Variants in ZMYM4 observed in about 807,000 individuals in gnomAD.
ZMYM4 encodes the protein zinc finger MYM-type containing 4.
Under a neutral mutation model 183.2 loss-of-function variants are expected in ZMYM4, and 31 were observed. The ratio of observed to expected loss-of-function variants is 0.17; its 90% CI spans 0.13 to 0.23. ZMYM4 has a LOEUF of 0.23. Among genes scored for constraint, ZMYM4 ranks in the 10% least tolerant of loss-of-function variants. ZMYM4 has a pLI of 1.00. For missense variants in ZMYM4, 1,273 were observed against 1,840.3 expected (o/e 0.69, Z 5.64); for synonymous variants, 592 against 631.2 (o/e 0.94, Z 0.93).
chr1:35,419,351 CTTACTT>C (rs1640243716), intron 29 of ZMYM4, 113 bp from the exon 30 acceptor site: 1 of 1,107,652 alleles, frequency 9.0e-7, no homozygotes, highest in Non-Finnish European at 1.3e-6. Flanking sequence ...AGTTTTTGCC[CTTACTT>C]TTAATTACTT....
intron 1 of ZMYM4, among the ~76,000 whole-genome samples, chr1:35,269,658 A>G (rs1044425564): frequency 3.9e-5 from 6 of 152,194 alleles, no homozygotes; most frequent in African/African-American, 7.2e-5. Context: ...TTTGGCTACT[A>G]TGAATGTCAT....
intron 2 of ZMYM4, chr1:35,351,726 G>A (rs1183412276): frequency 1.2e-5 from 5 of 402,230 alleles, no homozygotes; most frequent in Non-Finnish European, 2.2e-5. Context: ...GGAGGAATAT[G>A]TTAGAATATT....
chr1:35,362,540 A>C (rs1643963111), intron 5 of ZMYM4, among the ~76,000 whole-genome samples: 1 of 152,206 alleles, frequency 6.6e-6, no homozygotes, highest in Non-Finnish European at 1.5e-5. Flanking sequence ...CAATTATTTG[A>C]GGGTATCTGT....
At chr1:35,298,586 G>A (rs1641128817) in intron 1 of ZMYM4, among the ~76,000 whole-genome samples, 1 of 152,170 alleles carries the variant, frequency 6.6e-6, no homozygotes, top group Non-Finnish European at 1.5e-5. Context: ...GTGTGTGCCT[G>A]TGTCACTGAG....
chr1:35,284,862 C>G (rs1045770163), intron 1 of ZMYM4, among the ~76,000 whole-genome samples: 2 of 152,218 alleles, frequency 1.3e-5, no homozygotes, highest in Non-Finnish European at 2.9e-5. Flanking sequence ...GAGAGCTCCA[C>G]TCTCACTACC....
At chr1:35,387,306 T>A in intron 12 of ZMYM4, 28 bp downstream of exon 12, 2 of 1,606,720 alleles carry the variant, frequency 1.2e-6, no homozygotes, top group Non-Finnish European at 1.7e-6. Context: ...CATGATAAGA[T>A]TTTGAGTATA....
chr1:35,374,177 ATG>A (rs1644283358), intron 7 of ZMYM4, among the ~76,000 whole-genome samples: 1 of 151,638 alleles, frequency 6.6e-6, no homozygotes, highest in African/African-American at 2.4e-5. Context: ...GATTACAGGC[ATG>A]CACCACTATG....
chr1:35,297,786 T>C (rs1570284747), intron 1 of ZMYM4, among the ~76,000 whole-genome samples: 1 of 152,290 alleles, frequency 6.6e-6, no homozygotes, highest in Admixed American at 6.5e-5. Context: ...CCAAACTAGT[T>C]CCTGCTTGAG....
At chr1:35,386,916 G>T in intron 11 of ZMYM4, 87 bp from the exon 12 acceptor site, 3 of 1,430,462 alleles carry the variant, frequency 2.1e-6, no homozygotes, top group Non-Finnish European at 2.8e-6. Flanking sequence ...TACATGCCTA[G>T]AACGGTGCTT....
intron 28 of ZMYM4, among the ~76,000 whole-genome samples, chr1:35,417,408 GTT>G (rs1314824623): frequency 6.6e-6 from 1 of 152,116 alleles, no homozygotes; most frequent in East Asian, 1.9e-4. Context: ...AAAATGGTTT[GTT>G]CTTTTCTTAC....
At chr1:35,382,600 G>T (rs1370642079) in intron 9 of ZMYM4, among the ~76,000 whole-genome samples, 2 of 151,554 alleles carry the variant, frequency 1.3e-5, no homozygotes, top group Admixed American at 6.6e-5. Flanking sequence ...CCACCACCAG[G>T]CCTGGCTAAT....
chr1:35,271,384 T>G (rs559277043), intron 1 of ZMYM4, among the ~76,000 whole-genome samples: 1 of 151,750 alleles, frequency 6.6e-6, no homozygotes, highest in South Asian at 2.1e-4. Context: ...GATACCATAC[T>G]GGTAGCAGTA....
intron 2 of ZMYM4, among the ~76,000 whole-genome samples, chr1:35,332,991 C>T (rs895983347): frequency 5.9e-5 from 9 of 152,120 alleles, no homozygotes; most frequent in Non-Finnish European, 1.0e-4. Context: ...TGCCCAGATT[C>T]AGAAGCTATA....
At chr1:35,278,893 C>G (rs948826899) in intron 1 of ZMYM4, among the ~76,000 whole-genome samples, 7 of 152,130 alleles carry the variant, frequency 4.6e-5, no homozygotes. Context: ...TATCTGCTTC[C>G]AAAATACAAT....
chr1:35,365,505 T>A (rs988596539), intron 5 of ZMYM4, among the ~76,000 whole-genome samples: 1 of 151,970 alleles, frequency 6.6e-6, no homozygotes, highest in African/African-American at 2.4e-5. Flanking sequence ...TCAATTAAAA[T>A]GGGAAAGCAA....
chr1:35,377,163 T>G (rs901864279), intron 7 of ZMYM4, among the ~76,000 whole-genome samples: 1 of 152,178 alleles, frequency 6.6e-6, no homozygotes, highest in Non-Finnish European at 1.5e-5. Flanking sequence ...CACCTCAGCC[T>G]CCCAAAGTGC....
In ZMYM4 at chr1:35,419,663, G is replaced by A; in HGVS notation, c.4633G>A (p.Glu1545Lys). ...AKAKSEDSDV[E>K]LSD ...AGCCAAATCTGAAGACTCTGATGTT[G>A]AATTATCAGATTAAAACGGAAGTGA... The change falls in exon 30 of 30, where the codon GAA becomes AAA. Residue 1545 changes from glutamate to lysine, a missense_variant. Physicochemically the swap from Glu to Lys is moderately conservative, Grantham distance 56 (BLOSUM62 1). Around this residue, in one of 6 missense-constraint regions of ZMYM4, gnomAD observed 145 missense variants for 331.6 expected, o/e 0.44. Coordinates refer to ENST00000314607, the MANE Select transcript of ZMYM4 (RefSeq NM_005095.3). 1 of 1,614,062 alleles carries A rather than the reference G, an allele frequency of 6.2e-7. No homozygotes were observed. Among genetic ancestry groups the A allele is most frequent in the Non-Finnish European group, 8.5e-7 (1 of 1,179,980 alleles).
At chr1:35,301,500 C>G (rs1282773730) in intron 1 of ZMYM4, among the ~76,000 whole-genome samples, 3 of 149,400 alleles carry the variant, frequency 2.0e-5, no homozygotes, top group Non-Finnish European at 4.4e-5. Context: ...GAGCCAAGGT[C>G]ATGCCACTGT....
At chr1:35,269,734 G>A (rs1481801167) in intron 1 of ZMYM4, among the ~76,000 whole-genome samples, 1 of 152,182 alleles carries the variant, frequency 6.6e-6, no homozygotes, top group African/African-American at 2.4e-5. Context: ...TCTCATAACA[G>A]GGATGTACCC....
Sources: allele counts gnomAD v4.1 joint callset (sites outside exome capture counted in the v4.1 genomes callset), GRCh38; gene constraint gnomAD v4.1.1; regional missense constraint gnomAD v4.1.1; transcripts MANE v1.5; gene names NCBI Gene and HGNC (gene_info 2026-07-23, HGNC 2026-07-21).